Variants in NAV2 observed in about 807,000 individuals in gnomAD.
NAV2 encodes neuron navigator 2, also known as helicase, APC down-regulated 1.
Under a neutral mutation model 223.2 loss-of-function variants are expected in NAV2, and 54 were observed. The observed-to-expected ratio is 0.24, with a 90% CI of 0.19 to 0.30. The LOEUF is 0.30. NAV2 is among the 10% of genes least tolerant of loss of function. The pLI, the probability that NAV2 is intolerant of heterozygous loss-of-function variation, is 1.00. For synonymous variants in NAV2, 1,279 were observed against 1,239.3 expected (o/e 1.03, Z -0.67); for missense variants, 2,806 against 3,147.5 (o/e 0.89, Z 2.60).
chr11:19,795,633 C>A (rs2057826876), intron 1 of NAV2, among the ~76,000 whole-genome samples: 1 of 152,178 alleles, frequency 6.6e-6, no homozygotes, highest in South Asian at 2.1e-4. Context: ...TCTTATTGAT[C>A]AGAGAGAAAG....
rs1025197708 is a variant in NAV2, at chr11:19,844,105, C to T, written c.438+1182C>T. 2.0e-5 allele frequency among the ~76,000 whole-genome samples: 3 copies of T among 152,188 alleles called. No homozygotes were observed. In the South Asian group the frequency reaches 6.2e-4, roughly 32 times the overall value. ...AACCACTTCTTACATAGGAAAGTCC[C>T]CAGGCTGACATCTCATGGCTGCTTT... On this transcript the variant is annotated intron_variant, in intron 3 of 37. Transcript: ENST00000349880.
At chr11:19,443,652 A>G (rs1251542118) in intron 1 of NAV2, among the ~76,000 whole-genome samples, 1 of 152,122 alleles carries the variant, frequency 6.6e-6, no homozygotes, top group Non-Finnish European at 1.5e-5. Flanking sequence ...GCACTTCCCA[A>G]AGAGTGTTTA....
rs150588719 is a variant in NAV2 at position 19,847,882 on chromosome 11, G to A, written c.438+4959G>A. On this transcript the variant is annotated intron_variant, in intron 3 of 37. Transcript: ENST00000349880. ...GCACTCAGTATATGGCAGTTACTAC[G>A]ATAATGAAGATTTCTTTCAGTGATC... Among the ~76,000 whole-genome samples, 26 of 152,234 alleles carry A rather than the reference G, an allele frequency of 1.7e-4. No individual in the cohort carries two copies. The East Asian group carries it at 1.9e-3, about 11-fold the overall frequency.
In NAV2 at chr11:20,118,195, C is replaced by T. The variant is rs370154208; in HGVS notation, c.7227C>T (p.Ser2409=). Residue 2409 remains serine, a synonymous_variant, in exon 38 of 38, where the codon AGC becomes AGT. Transcript: ENST00000349880. ...ANYSSPQSYD[S]DSNSNSHHDD... is the part of the protein sequence containing the mutation. Reference sequence around the variant, plus strand: ...ACTCCAGCCCCCAGAGCTATGACAGCGACTCCAACAGCAACAGCCATCACG... The same window carrying T: ...ACTCCAGCCCCCAGAGCTATGACAGTGACTCCAACAGCAACAGCCATCACG... 36 of 1,613,846 alleles carry T rather than the reference C, an allele frequency of 2.2e-5. No homozygotes were observed. The highest frequency in any genetic ancestry group is 3.3e-5 in the Admixed American group (2 of 59,994).
In NAV2 at chr11:19,589,094, G is replaced by A. The variant is rs2045980186; in HGVS notation, c.75+238067G>A. 2.6e-5 allele frequency among the ~76,000 whole-genome samples: 4 copies of A among 152,278 alleles called. No homozygotes were observed. The South Asian group carries it at 6.2e-4, about 24-fold the overall frequency. ...TGGTTCCTGGGTGTCCAGAGACATT[G>A]AATCACGGCCCTCAACCCAGGTGAG... On this transcript the variant is annotated intron_variant, in intron 1 of 37. Coordinates refer to the NAV2 transcript ENST00000360655.
chr11:19,594,545 G>A (rs2046153076), intron 1 of NAV2, among the ~76,000 whole-genome samples: 1 of 151,992 alleles, frequency 6.6e-6, no homozygotes, highest in African/African-American at 2.4e-5. Context: ...GTCAGGATAT[G>A]AGTTGTCGGT....
At chr11:19,450,148 T>A (rs1019513893) in intron 1 of NAV2, among the ~76,000 whole-genome samples, 1 of 152,204 alleles carries the variant, frequency 6.6e-6, no homozygotes, top group Non-Finnish European at 1.5e-5. Flanking sequence ...CACTGTACAG[T>A]GGAGCTGCAG....
At chr11:19,841,042 G>C (rs1208951125) in intron 2 of NAV2, among the ~76,000 whole-genome samples, 2 of 152,134 alleles carry the variant, frequency 1.3e-5, no homozygotes, top group African/African-American at 4.8e-5. Context: ...GCTTTTCATG[G>C]CACCTCTTTT....
chr11:19,499,313 A>G (rs1160843189), intron 1 of NAV2, among the ~76,000 whole-genome samples: 1 of 152,216 alleles, frequency 6.6e-6, no homozygotes, highest in African/African-American at 2.4e-5. Flanking sequence ...TGTTCCTGCT[A>G]GAGGGTTGTT....
intron 1 of NAV2, among the ~76,000 whole-genome samples, chr11:19,741,697 AT>A (rs2052836608): frequency 5.9e-4 from 2 of 3,400 alleles, no homozygotes; most frequent in Non-Finnish European, 0.021. Flanking sequence ...GTATATATAT[AT>A]ATATATATAT....
At chr11:19,733,751 A>G (rs949890936) in intron 1 of NAV2, among the ~76,000 whole-genome samples, 1 of 152,118 alleles carries the variant, frequency 6.6e-6, no homozygotes, top group African/African-American at 2.4e-5. Flanking sequence ...TGTATAAGAG[A>G]TTCATATCAG....
intron 19 of NAV2, among the ~76,000 whole-genome samples, chr11:20,061,780 A>G (rs2058724200): frequency 1.3e-5 from 2 of 152,238 alleles, no homozygotes; most frequent in African/African-American, 4.8e-5. Context: ...GTCATCTAGA[A>G]TGAACTTACT....
intron 1 of NAV2, among the ~76,000 whole-genome samples, chr11:19,578,847 G>A (rs1481603413): frequency 2.6e-5 from 4 of 152,064 alleles, no homozygotes; most frequent in African/African-American, 7.2e-5. Flanking sequence ...TCTGGCTCTC[G>A]ACAGGAAAGG....
intron 1 of NAV2, among the ~76,000 whole-genome samples, chr11:19,651,229 T>C (rs2047961395): frequency 6.6e-6 from 1 of 152,186 alleles, no homozygotes; most frequent in African/African-American, 2.4e-5. Flanking sequence ...AGCCTTTTCC[T>C]GGAAAGCATT....
chr11:19,853,843 CTTT>C (rs1257697648), intron 3 of NAV2, among the ~76,000 whole-genome samples: 1 of 151,498 alleles, frequency 6.6e-6, no homozygotes, highest in African/African-American at 2.4e-5. Flanking sequence ...ACATTAACTT[CTTT>C]GAGGACAGTA....
intron 10 of NAV2, among the ~76,000 whole-genome samples, chr11:19,964,617 T>C (rs111866805): frequency 0.072 from 10,910 of 151,630 alleles, 1,284 homozygotes; most frequent in African/African-American, 0.25. Flanking sequence ...TGCCTCAGCC[T>C]CTTGAGTAGC....
chr11:19,361,377 C>T, intron 1 of NAV2, among the ~76,000 whole-genome samples: 1 of 152,038 alleles, frequency 6.6e-6, no homozygotes, highest in Non-Finnish European at 1.5e-5. Flanking sequence ...TCTCGAGTGA[C>T]AGGCATGACT....
chr11:19,585,640 C>A (rs993183082), intron 1 of NAV2, among the ~76,000 whole-genome samples: 5 of 152,168 alleles, frequency 3.3e-5, no homozygotes, highest in Non-Finnish European at 7.3e-5. Flanking sequence ...ACTTATGAAG[C>A]TTAGTTTGGT....
chr11:19,633,652 G>T (rs905061797), intron 1 of NAV2, among the ~76,000 whole-genome samples: 1 of 152,250 alleles, frequency 6.6e-6, no homozygotes, highest in African/African-American at 2.4e-5. Flanking sequence ...CCATGTTCAC[G>T]GACTGCTGCC....
Sources: gnomAD v4.1 joint callset for allele counts (sites outside exome capture counted in the v4.1 genomes callset) on GRCh38, gnomAD v4.1.1 for gene constraint, MANE v1.5 for transcripts, NCBI Gene and HGNC (gene_info 2026-07-23, HGNC 2026-07-21) for gene names.